Variants in SLAIN1 observed in about 807,000 individuals in gnomAD.
SLAIN1 encodes the protein SLAIN motif-containing protein 1.
SLAIN1 carries 17 observed loss-of-function variants against 55.4 expected under a neutral mutation model. The ratio of observed to expected loss-of-function variants is 0.31; its 90% CI spans 0.21 to 0.46. The LOEUF is 0.46. Among genes scored for constraint, SLAIN1 ranks in the 20% least tolerant of loss-of-function variants. The pLI is 1.00. For missense variants in SLAIN1, 682 were observed against 785.1 expected, an observed-to-expected ratio of 0.87 and a Z score of 1.57; for synonymous variants, 348 against 337.4, an observed-to-expected ratio of 1.03 and a Z score of -0.35.
chr13:77,723,676 A>C (rs2091281962), intron 2 of SLAIN1, among the ~76,000 whole-genome samples: 1 of 152,154 alleles, frequency 6.6e-6, no homozygotes. Flanking sequence ...ACCTAAAATA[A>C]CATGAATATT....
In SLAIN1 at chr13:77,719,521, C is replaced by CT; in HGVS notation, c.627-4dup. Reference sequence around the variant, plus strand: ...TATATCATACCTATAATGTAGATTTCTTTTTTTAAGGTTATACATTGGCTC... The same window carrying CT: ...TATATCATACCTATAATGTAGATTTCTTTTTTTTAAGGTTATACATTGGCTC... On this transcript the variant is annotated splice_polypyrimidine_tract_variant and intron_variant, in intron 1 of 6. Transcript: ENST00000418532. 2 of 1,605,926 alleles carry CT rather than the reference C, an allele frequency of 1.2e-6. No homozygotes were observed. The highest frequency in any genetic ancestry group is 8.5e-7 in the Non-Finnish European group (1 of 1,175,010).
chr13:77,698,975 CG>C lies in SLAIN1; in HGVS notation c.626+437del. Reference sequence around the variant, plus strand: ...ACTGTTACTGTTCTTTCGTTTTAAACGAACGCTGGACAGGATTTGCGTGCTC... The same window carrying C: ...ACTGTTACTGTTCTTTCGTTTTAAACAACGCTGGACAGGATTTGCGTGCTC... On this transcript the variant is annotated intron_variant, in intron 1 of 6. Coordinates refer to ENST00000418532, the MANE Select transcript of SLAIN1 (RefSeq NM_001242868.2). This position sits in a 1 kb window ranked among gnomAD's most constrained non-coding sequence, Gnocchi z 4.1. The C allele has an allele frequency of 6.5e-7, 1 of 1,534,554 alleles. No individual in the cohort carries two copies. Among genetic ancestry groups the C allele is most frequent in the Non-Finnish European group, 8.7e-7 (1 of 1,146,778 alleles).
Position 77,698,769 on chromosome 13 carries a change from C to A in SLAIN1, c.626+230C>A. ...TCTAATCGCTCCGACTGCGGATGAA[C>A]CGGCCCCCCCTTCCCCCCATCTGCC... is the stretch of plus-strand genomic sequence containing the variant. On this transcript the variant is annotated intron_variant, in intron 1 of 6. Coordinates refer to ENST00000418532, the MANE Select transcript of SLAIN1 (RefSeq NM_001242868.2). This position sits in a 1 kb window ranked among gnomAD's most constrained non-coding sequence, Gnocchi z 4.1. 1 of 1,191,252 alleles carries A rather than the reference C, an allele frequency of 8.4e-7. No homozygotes were observed. Among genetic ancestry groups the A allele is most frequent in the African/African-American group, 1.5e-5 (1 of 65,116 alleles). The allele number at this position is 1,191,252 out of a possible 1,614,324, so 73.8% of individuals were successfully genotyped here.
At chr13:77,755,489 A>G (rs1874533245) in intron 5 of SLAIN1, among the ~76,000 whole-genome samples, 1 of 152,214 alleles carries the variant, frequency 6.6e-6, no homozygotes, top group Admixed American at 6.5e-5. Flanking sequence ...AATAGAATGT[A>G]CACTGCAAAG....
intron 2 of SLAIN1, among the ~76,000 whole-genome samples, chr13:77,728,851 C>T (rs1424379404): frequency 6.6e-6 from 1 of 152,140 alleles, no homozygotes; most frequent in Non-Finnish European, 1.5e-5. Context: ...TTTCTAGTCT[C>T]GAGATGCTCT....
At chr13:77,749,381 T>A (rs1874054709) in intron 4 of SLAIN1, among the ~76,000 whole-genome samples, 1 of 152,162 alleles carries the variant, frequency 6.6e-6, no homozygotes, top group Non-Finnish European at 1.5e-5. Flanking sequence ...CCAACTTTTT[T>A]ATAATTCTAC....
intron 1 of SLAIN1, among the ~76,000 whole-genome samples, chr13:77,713,431 C>T (rs1418740633): frequency 6.6e-6 from 1 of 152,170 alleles, no homozygotes; most frequent in African/African-American, 2.4e-5. Context: ...AGCTCATCAT[C>T]ACTGGTCATT....
At chr13:77,743,144 A>C (rs1255386853) in intron 2 of SLAIN1, 1 of 1,302,478 alleles carries the variant, frequency 7.7e-7, no homozygotes, top group Non-Finnish European at 1.0e-6. Context: ...AAATAAAGCA[A>C]TACTAACACC....
Position 77,721,048 on chromosome 13 carries a change from C to T in SLAIN1, c.766+1377C>T, listed in dbSNP as rs114901519. Among the ~76,000 whole-genome samples the T allele has an allele frequency of 3.4e-3, 517 of 152,206 alleles. 3 individuals are homozygous for T. The highest frequency in any genetic ancestry group is 0.011 in the African/African-American group (474 of 41,542). On this transcript the variant is annotated intron_variant, in intron 2 of 6. Transcript: ENST00000418532. ...CTAAGTGACTCGAAGAAAACTGATA[C>T]GGTTTGGCTCTGTGTTCCCAGCCAA...
intron 2 of SLAIN1, among the ~76,000 whole-genome samples, chr13:77,722,354 T>C (rs990022542): frequency 4.6e-5 from 7 of 152,128 alleles, no homozygotes; most frequent in Non-Finnish European, 8.8e-5. Flanking sequence ...AAAATTCTTT[T>C]TTAAAAAATT....
intron 6 of SLAIN1, among the ~76,000 whole-genome samples, chr13:77,761,357 C>G (rs758326304): frequency 2.2e-4 from 33 of 152,158 alleles, no homozygotes; most frequent in Middle Eastern, 3.2e-3. Flanking sequence ...TTTGCTTTTG[C>G]TTTTACCAGA....
intron 2 of SLAIN1, among the ~76,000 whole-genome samples, chr13:77,721,621 A>G (rs148483485): frequency 2.6e-5 from 4 of 152,132 alleles, no homozygotes; most frequent in East Asian, 3.9e-4. Context: ...TAGATAGTCA[A>G]TATTTTAGAT....
chr13:77,752,307 A>T (rs868191988), intron 4 of SLAIN1, among the ~76,000 whole-genome samples: 1,590 of 99,390 alleles, frequency 0.016, 27 homozygotes, highest in East Asian at 0.022. Flanking sequence ...TTTTTTTTTT[A>T]AGAAGCATGT....
At chr13:77,729,470 G>T (rs2091337174) in intron 2 of SLAIN1, among the ~76,000 whole-genome samples, 2 of 151,486 alleles carry the variant, frequency 1.3e-5, no homozygotes, top group Non-Finnish European at 2.9e-5. Context: ...TACTGTGACG[G>T]TTGATTAAAT....
At chr13:77,743,103 G>A (rs1873567629) in intron 2 of SLAIN1, 4 of 1,302,972 alleles carry the variant, frequency 3.1e-6, no homozygotes, top group Non-Finnish European at 3.0e-6. Flanking sequence ...TATAGCAATG[G>A]CATTAATACT....
Position 77,698,450 on chromosome 13 carries a change from G to T in SLAIN1, c.537G>T (p.Pro179=), listed in dbSNP as rs1484287552. ...AGTPPGAAAA[P]PSPPPTLLDE... is the part of the protein sequence containing the mutation. ...CGCCGCCAGGGGCAGCTGCAGCGCC[G>T]CCCTCGCCGCCCCCCACGCTGCTGG... is the stretch of plus-strand genomic sequence containing the variant. The change falls in exon 1 of 7, where the codon CCG becomes CCT. Residue 179 remains proline, a synonymous_variant. Coordinates refer to ENST00000418532, the MANE Select transcript of SLAIN1 (RefSeq NM_001242868.2). This position sits in a 1 kb window ranked among gnomAD's most constrained non-coding sequence, Gnocchi z 4.1. The T allele has an allele frequency of 7.0e-7, 1 of 1,437,878 alleles. No homozygotes were observed. Among genetic ancestry groups the T allele is most frequent in the Admixed American group, 2.6e-5 (1 of 37,744 alleles). The allele number at this position is 1,437,878 out of a possible 1,614,324, so 89.1% of individuals were successfully genotyped here.
intron 1 of SLAIN1, among the ~76,000 whole-genome samples, chr13:77,712,283 C>T (rs937871262): frequency 6.6e-6 from 1 of 152,190 alleles, no homozygotes; most frequent in African/African-American, 2.4e-5. Context: ...CAAATTGTCT[C>T]TGTTTGCAGA....
intron 2 of SLAIN1, among the ~76,000 whole-genome samples, chr13:77,733,887 G>A (rs1404699539): frequency 2.0e-5 from 3 of 152,126 alleles, no homozygotes; most frequent in African/African-American, 7.2e-5. Context: ...CAAGCCATAT[G>A]TTACTGCTCC....
Position 77,746,363 on chromosome 13 carries a change from G to A in SLAIN1, c.917-151G>A, listed in dbSNP as rs933978967. 5.1e-5 allele frequency: 33 copies of A among 650,644 alleles called. No homozygotes were observed. The African/African-American group carries it at 6.0e-4, about 12-fold the overall frequency. The allele number at this position is 650,644 out of a possible 1,614,324, so 40.3% of individuals were successfully genotyped here. A position where few individuals can be genotyped will look rare whatever the true frequency, so the allele number is the denominator to read the frequency against. On this transcript the variant is annotated intron_variant, in intron 3 of 6. Coordinates refer to ENST00000418532, the MANE Select transcript of SLAIN1 (RefSeq NM_001242868.2). ...CATAGGTAAATGTGATTATTGTCTTGGTAAACTTGTCAATTTAGTAAACTT... is the reference window on the plus strand; with the variant it reads ...CATAGGTAAATGTGATTATTGTCTTAGTAAACTTGTCAATTTAGTAAACTT...
Sources: allele counts gnomAD v4.1 joint callset (sites outside exome capture counted in the v4.1 genomes callset), GRCh38; gene constraint gnomAD v4.1.1; non-coding constraint Gnocchi (gnomAD v3.1); transcripts MANE v1.5; gene names NCBI Gene and HGNC (gene_info 2026-07-23, HGNC 2026-07-21).